The following CCDC91 variants were observed in gnomAD, a reference collection of about 807,000 sequenced individuals.
CCDC91 encodes coiled-coil domain-containing protein 91.
A neutral mutation model predicts 63.2 loss-of-function variants in CCDC91; 48 were observed. The observed-to-expected ratio is 0.76, with a 90% CI of 0.60 to 0.97. CCDC91 has a LOEUF of 0.97. CCDC91 is among the 50% of genes least tolerant of loss of function. The pLI is 0.00. For synonymous variants in CCDC91, 167 were observed against 165.8 expected (o/e 1.01, Z -0.06); for missense variants, 500 against 494.6 (o/e 1.01, Z -0.10).
At chr12:28,357,225 C>A (rs1943583668) in intron 6 of CCDC91, among the ~76,000 whole-genome samples, 1 of 152,032 alleles carries the variant, frequency 6.6e-6, no homozygotes, top group African/African-American at 2.4e-5. Flanking sequence ...TTACATGTGT[C>A]TCTATTAAAA....
At chr12:28,348,397 G>T (rs775084177) in intron 6 of CCDC91, among the ~76,000 whole-genome samples, 1 of 152,106 alleles carries the variant, frequency 6.6e-6, no homozygotes, top group Non-Finnish European at 1.5e-5. Context: ...TGCAGTGCCC[G>T]CGTACCCACT....
chr12:28,486,915 G>T (rs1016527914), intron 12 of CCDC91, among the ~76,000 whole-genome samples: 3 of 151,884 alleles, frequency 2.0e-5, no homozygotes, highest in Non-Finnish European at 4.4e-5. Flanking sequence ...TTGCAGAGTT[G>T]TTATGAATTA....
At chr12:28,322,533 A>G (rs1391541488) in intron 6 of CCDC91, among the ~76,000 whole-genome samples, 3 of 151,752 alleles carry the variant, frequency 2.0e-5, no homozygotes, top group Non-Finnish European at 2.9e-5. Context: ...CTCTCAAGTC[A>G]TAAGTTTCCA....
At chr12:28,311,522 T>C (rs1395152600) in intron 6 of CCDC91, among the ~76,000 whole-genome samples, 2 of 151,946 alleles carry the variant, frequency 1.3e-5, no homozygotes, top group African/African-American at 2.4e-5. Context: ...CGGCCTTTTG[T>C]GACAGAGGTG....
chr12:28,446,794 G>C (rs1450217057), intron 8 of CCDC91, among the ~76,000 whole-genome samples: 1 of 152,142 alleles, frequency 6.6e-6, no homozygotes, highest in African/African-American at 2.4e-5. Context: ...ATTTATAAGA[G>C]AGAGAAAAGA....
At chr12:28,476,236 C>G (rs1436193035) in intron 11 of CCDC91, among the ~76,000 whole-genome samples, 1 of 152,072 alleles carries the variant, frequency 6.6e-6, no homozygotes, top group African/African-American at 2.4e-5. Flanking sequence ...AAGCACTCCT[C>G]GGCAAATGCA....
chr12:28,417,598 G>T (rs1263748444), intron 8 of CCDC91, among the ~76,000 whole-genome samples: 1 of 146,776 alleles, frequency 6.8e-6, no homozygotes, highest in African/African-American at 2.5e-5. Context: ...GTGTATTTAA[G>T]CTGTACAACG....
intron 7 of CCDC91, among the ~76,000 whole-genome samples, chr12:28,371,184 G>A (rs1341554192): frequency 6.6e-6 from 1 of 152,018 alleles, no homozygotes; most frequent in African/African-American, 2.4e-5. Context: ...GCTGTGGACC[G>A]GTACCATTTC....
intron 3 of CCDC91, 134 bp downstream of exon 3, chr12:28,259,576 A>C: frequency 1.7e-6 from 1 of 588,824 alleles, no homozygotes; most frequent in Non-Finnish European, 3.0e-6. Context: ...ATCCAGATTT[A>C]CTCTTTAGGT....
chr12:28,334,099 A>G (rs947178503), intron 6 of CCDC91, among the ~76,000 whole-genome samples: 2 of 151,844 alleles, frequency 1.3e-5, no homozygotes, highest in Admixed American at 6.6e-5. Flanking sequence ...TTTTAGCCTT[A>G]AAGTATCAAG....
At chr12:28,395,688 C>T (rs1464326928) in intron 8 of CCDC91, among the ~76,000 whole-genome samples, 1 of 152,058 alleles carries the variant, frequency 6.6e-6, no homozygotes, top group African/African-American at 2.4e-5. Context: ...GTGGTAGCTT[C>T]GAGATCAGCA....
At chr12:28,510,257 G>GTGTGTGTGTGTGTGTGTGTGTC (rs1481930938) in intron 12 of CCDC91, among the ~76,000 whole-genome samples, 1 of 150,798 alleles carries the variant, frequency 6.6e-6, no homozygotes, top group Non-Finnish European at 1.5e-5. Flanking sequence ...GTGTGTGTGT[G>GTGTGTGTGTGTGTGTGTGTGTC]TAGAAAGAGA....
intron 6 of CCDC91, among the ~76,000 whole-genome samples, chr12:28,338,452 AGT>A (rs1942169179): frequency 6.6e-6 from 1 of 152,126 alleles, no homozygotes; most frequent in African/African-American, 2.4e-5. Context: ...TAGAGAAAAC[AGT>A]GTGAATGCCC....
At chr12:28,456,699 A>C (rs1211648728) in intron 11 of CCDC91, among the ~76,000 whole-genome samples, 1 of 152,150 alleles carries the variant, frequency 6.6e-6, no homozygotes, top group African/African-American at 2.4e-5. Context: ...TTTTGGATGT[A>C]ATTTCATTTA....
chr12:28,520,838 C>T (rs1940555386), intron 12 of CCDC91, among the ~76,000 whole-genome samples: 2 of 152,106 alleles, frequency 1.3e-5, no homozygotes, highest in Admixed American at 1.3e-4. Context: ...AATCGTTTCC[C>T]CATTTCTTGT....
At chr12:28,362,649 C>T (rs1320611305) in intron 7 of CCDC91, 134 bp downstream of exon 7, 1 of 504,826 alleles carries the variant, frequency 2.0e-6, no homozygotes, top group African/African-American at 2.0e-5. Flanking sequence ...TTCCATTCAG[C>T]AACAAATATC....
chr12:28,270,405 A>C (rs1296455946), intron 3 of CCDC91, among the ~76,000 whole-genome samples: 4 of 152,116 alleles, frequency 2.6e-5, no homozygotes, highest in Admixed American at 6.6e-5. Flanking sequence ...ATAAAAGGTG[A>C]TTTAGCTGGT....
chr12:28,240,833 G>A (rs1478824427), intron 1 of CCDC91, among the ~76,000 whole-genome samples: 1 of 152,142 alleles, frequency 6.6e-6, no homozygotes, highest in Non-Finnish European at 1.5e-5. Context: ...GAACAATCAT[G>A]TACTGATTTT....
intron 12 of CCDC91, among the ~76,000 whole-genome samples, chr12:28,486,641 T>A (rs1951743103): frequency 6.6e-6 from 1 of 152,094 alleles, no homozygotes; most frequent in Non-Finnish European, 1.5e-5. Flanking sequence ...AAATGCCTTT[T>A]TAAGAGATAT....
Sources: gnomAD v4.1 joint callset for allele counts (sites outside exome capture counted in the v4.1 genomes callset) on GRCh38, gnomAD v4.1.1 for gene constraint, MANE v1.5 for transcripts, NCBI Gene and HGNC (gene_info 2026-07-23, HGNC 2026-07-21) for gene names.